The following ATP1A3 variants were observed in gnomAD, a reference collection of about 807,000 sequenced individuals.
ATP1A3 encodes the protein ATPase Na+/K+ transporting subunit alpha 3.
Under a neutral mutation model 108.8 loss-of-function variants are expected in ATP1A3, and 12 were observed. The ratio of observed to expected loss-of-function variants is 0.11; its 90% confidence interval spans 0.07 to 0.18. ATP1A3 has a LOEUF of 0.18. Ranked by LOEUF, ATP1A3 falls within the 10% of genes least tolerant of loss-of-function variation. The probability of loss-of-function intolerance (pLI) is 1.00; values close to 1 mark genes in which losing one functional copy is unlikely to be tolerated. For synonymous variants in ATP1A3, 539 were observed against 564.5 expected (o/e 0.95, Z 0.64); for missense variants, 498 against 1,387.7 (o/e 0.36, Z 10.19).
Position 41,968,984 on chromosome 19 carries a change from G to T in ATP1A3, c.2689-69C>A, listed in dbSNP as rs782686338. The stretch of plus-strand genomic sequence containing the variant: ...CTGCAGCCCTAGCCGCCACCCCGAC[G>T]TTCCGGTGCTCTTTGCCCCGCCCCA... On this transcript the variant is annotated intron_variant, in intron 19 of 22. Transcript: ENST00000648268. This position sits in a 1 kb window ranked among gnomAD's most constrained non-coding sequence, Gnocchi z 5.0. 3.1e-6 allele frequency: 5 copies of T among 1,608,176 alleles called. No individual in the cohort carries two copies. Among genetic ancestry groups the T allele is most frequent in the Non-Finnish European group, 4.2e-6 (5 of 1,177,582 alleles).
chr19:41,976,724 A>G (rs557013172), intron 14 of ATP1A3, among the ~76,000 whole-genome samples, 158 bp from the exon 15 acceptor site: 1 of 152,198 alleles, frequency 6.6e-6, no homozygotes, highest in African/African-American at 2.4e-5. Context: ...GCAGGGGAGA[A>G]GGGGGCTACT....
At chr19:41,980,172 C>T (rs1222261672) in intron 11 of ATP1A3, among the ~76,000 whole-genome samples, 3 of 152,246 alleles carry the variant, frequency 2.0e-5, no homozygotes, top group Admixed American at 2.0e-4. Flanking sequence ...ACAACCACTA[C>T]GATTACCTCC....
rs1484204400 is a variant in ATP1A3, at chr19:41,994,188, G to T, written c.-112C>A. 6 of 1,074,056 alleles carry T rather than the reference G, an allele frequency of 5.6e-6. No homozygotes were observed. The highest frequency in any genetic ancestry group is 7.6e-6 in the Non-Finnish European group (6 of 792,970). The allele number at this position is 1,074,056 out of a possible 1,614,324, so 66.5% of individuals were successfully genotyped here. On this transcript the variant is annotated 5_prime_UTR_variant, in exon 1 of 23. Transcript: ENST00000648268. ...GCAGCGCCCGCGCCTCGGTAGGTGCGCGCGTCCGTCCGTCCGTCCGTTGGT... is the reference window on the plus strand; with the variant it reads ...GCAGCGCCCGCGCCTCGGTAGGTGCTCGCGTCCGTCCGTCCGTCCGTTGGT...
rs113909283 is a variant in ATP1A3, at chr19:41,981,764, G to C, written c.1260C>G (p.Arg420=). The C allele has an allele frequency of 3.0e-5, 48 of 1,614,092 alleles. No individual in the cohort carries two copies. The highest frequency in any genetic ancestry group is 3.7e-5 in the Non-Finnish European group (44 of 1,180,056). The change falls in exon 10 of 23, where the codon CGC becomes CGG. Residue 420 remains arginine, a synonymous_variant. Transcript: ENST00000648268. The surrounding 1 kb of genome is among the most constrained non-coding windows in gnomAD (Gnocchi z 5.0). The part of the protein sequence containing the change: ...ALSHIAGLCN[R]AVFKGGQDNI... ...TGTCCTGACCACCCTTGAAGACAGC[G>C]CGATTGCAGAGCCCAGCGATGTGAG... is the stretch of plus-strand genomic sequence containing the variant.
rs782235450 is a variant in ATP1A3 at position 41,968,940 on chromosome 19, G to C, written c.2689-25C>G. The C allele has an allele frequency of 5.0e-6, 8 of 1,613,298 alleles. No homozygotes were observed. Among genetic ancestry groups the C allele is most frequent in the Admixed American group, 1.7e-5 (1 of 59,978 alleles). ...TCTGCAGGAGCGGTGACCAGGGCAC[G>C]GGACGTCAGTTAGTGGCACTGCAGC... On this transcript the variant is annotated intron_variant, in intron 19 of 22. Transcript: ENST00000648268. The surrounding 1 kb of genome is among the most constrained non-coding windows in gnomAD (Gnocchi z 5.0).
Position 41,967,013 on chromosome 19 carries a change from G to A in ATP1A3, c.3014-48C>T. 6.4e-7 allele frequency: 1 copy of A among 1,551,678 alleles called. No homozygotes were observed. The highest frequency in any genetic ancestry group is 2.0e-5 in the Admixed American group (1 of 50,988). ...AAAGAGACAGAGTAAGAGATGGAGAGAGACAGGCAAGGCGAGCCGCCCAGC... is the reference window on the plus strand; with the variant it reads ...AAAGAGACAGAGTAAGAGATGGAGAAAGACAGGCAAGGCGAGCCGCCCAGC... On this transcript the variant is annotated intron_variant, in intron 22 of 22. Coordinates refer to ENST00000648268, the MANE Select transcript of ATP1A3 (RefSeq NM_152296.5). This position sits in a 1 kb window ranked among gnomAD's most constrained non-coding sequence, Gnocchi z 4.2.
chr19:41,989,017 G>A, intron 1 of ATP1A3, among the ~76,000 whole-genome samples: 1 of 152,016 alleles, frequency 6.6e-6, no homozygotes, highest in East Asian at 1.9e-4. Context: ...ACAGCTCACT[G>A]CAGCCTCGAC....
chr19:41,992,830 T>A (rs2075352885), intron 1 of ATP1A3: 1 of 153,526 alleles, frequency 6.5e-6, no homozygotes, highest in Non-Finnish European at 1.5e-5. Context: ...CCCACTCCGT[T>A]TCCTAAGACC....
intron 8 of ATP1A3, among the ~76,000 whole-genome samples, chr19:41,982,827 G>A (rs1175670543): frequency 1.3e-5 from 2 of 152,146 alleles, no homozygotes; most frequent in African/African-American, 4.8e-5. Flanking sequence ...CCGTTAATAG[G>A]AAGTTTGAAC....
Position 41,988,482 on chromosome 19 carries a change from C to T in ATP1A3, c.87G>A (p.Val29=). ...GGCAGAGGGCGAGGCTTACCATAGC[C>T]ACCTCCTTCTTGAGGTCATCCAGGT... The part of the protein sequence containing the change: ...RRDLDDLKKE[V]AMTEHKMSVE... The change falls in exon 2 of 23, where the codon GTG becomes GTA. Residue 29 remains valine, a synonymous_variant. Transcript: ENST00000648268. This position sits in a 1 kb window ranked among gnomAD's most constrained non-coding sequence, Gnocchi z 5.3. 1 of 1,614,216 alleles carries T rather than the reference C, an allele frequency of 6.2e-7. No individual in the cohort carries two copies. Among genetic ancestry groups the T allele is most frequent in the Non-Finnish European group, 8.5e-7 (1 of 1,180,040 alleles).
intron 15 of ATP1A3, among the ~76,000 whole-genome samples, chr19:41,976,022 A>G (rs868986091): frequency 2.0e-5 from 3 of 147,300 alleles, no homozygotes; most frequent in Non-Finnish European, 3.0e-5. Context: ...CCAGAGGTCC[A>G]GGCCCCCAGC....
rs1321401313 is a variant in ATP1A3 at position 41,972,871 on chromosome 19, A to AAGGC, written c.2264-2333_2264-2330dup. Reference sequence around the variant, plus strand: ...GAAGGAAGGAAGGAAAGAAGGAAGGAAGGCAGGCAGGCAGGGACGGAGGGA... The same window carrying AAGGC: ...GAAGGAAGGAAGGAAAGAAGGAAGGAAGGCAGGCAGGCAGGCAGGGACGGAGGGA... On this transcript the variant is annotated intron_variant, in intron 16 of 22. Transcript: ENST00000648268. 2.1e-4 allele frequency among the ~76,000 whole-genome samples: 28 copies of AAGGC among 133,392 alleles called. 2 individuals carry two copies. The highest frequency in any genetic ancestry group is 7.3e-4 in the African/African-American group (25 of 34,070). The allele number at this position is 133,392 out of a possible 152,430, so 87.5% of individuals were successfully genotyped here.
rs1462153023 is a variant in ATP1A3 at position 41,967,092 on chromosome 19, G to A, written c.3014-127C>T. 5 of 1,552,308 alleles carry A rather than the reference G, an allele frequency of 3.2e-6. No individual in the cohort carries two copies. Among genetic ancestry groups the A allele is most frequent in the Admixed American group, 2.0e-5 (1 of 51,030 alleles). ...AAGGAAACCACACAGACAGAGACCC[G>A]TGAGAAGACAGAGTGGGTGCCCGGA... On this transcript the variant is annotated intron_variant, in intron 22 of 22. Transcript: ENST00000648268. This position sits in a 1 kb window ranked among gnomAD's most constrained non-coding sequence, Gnocchi z 4.2.
At chr19:41,993,163 CTCCT>C in intron 1 of ATP1A3, 3 of 326,354 alleles carry the variant, frequency 9.2e-6, no homozygotes, top group South Asian at 3.6e-5. Flanking sequence ...CACCCACCCC[CTCCT>C]CTCCTGATTC....
intron 8 of ATP1A3, 125 bp from the exon 9 acceptor site, chr19:41,982,231 G>A (rs371751282): frequency 5.3e-6 from 8 of 1,522,828 alleles, no homozygotes; most frequent in Admixed American, 1.7e-5. Context: ...GGAAAAGAAT[G>A]AGGCAGCACC....
chr19:41,986,358 T>C, intron 4 of ATP1A3, 129 bp from the exon 5 acceptor site: 1 of 862,164 alleles, frequency 1.2e-6, no homozygotes. Context: ...TGACCCTAGG[T>C]TGGTTATGAG....
rs376852509 is a variant in ATP1A3 at position 41,978,040 on chromosome 19, C to G, written c.1839G>C (p.Thr613=). 2 of 1,614,124 alleles carry G rather than the reference C, an allele frequency of 1.2e-6. No individual in the cohort carries two copies. Among genetic ancestry groups the G allele is most frequent in the Admixed American group, 1.7e-5 (1 of 60,012 alleles). ...CCACACCCTTGGCAATGGCCTTGGC[C>G]GTGATGGGGTGATCGCCGGTGACCA... ...VIMVTGDHPI[T]AKAIAKGVGI... Residue 613 remains threonine, a synonymous_variant, in exon 14 of 23, where the codon ACG becomes ACC. Transcript: ENST00000648268. This position sits in a 1 kb window ranked among gnomAD's most constrained non-coding sequence, Gnocchi z 8.3.
intron 11 of ATP1A3, among the ~76,000 whole-genome samples, chr19:41,979,193 G>A (rs2075204633): frequency 6.6e-6 from 1 of 151,502 alleles, no homozygotes; most frequent in African/African-American, 2.4e-5. Context: ...AGTAGAGACG[G>A]GATTTTGCCA....
At chr19:41,989,595 A>G (rs1555866669) in intron 1 of ATP1A3, among the ~76,000 whole-genome samples, 2 of 152,124 alleles carry the variant, frequency 1.3e-5, no homozygotes, top group African/African-American at 4.8e-5. Context: ...CTGGGATTAC[A>G]GGCGTGAGCC....
Sources: gnomAD v4.1 joint callset for allele counts (sites outside exome capture counted in the v4.1 genomes callset) on GRCh38, gnomAD v4.1.1 for gene constraint, Gnocchi (gnomAD v3.1) non-coding constraint, MANE v1.5 for transcripts, NCBI Gene and HGNC (gene_info 2026-07-23, HGNC 2026-07-21) for gene names.